CBFA2T3: variants seen among roughly 807,000 people sequenced by gnomAD.
The protein encoded by CBFA2T3 is transcriptional corepressor CBFA2T3.
A neutral mutation model predicts 58.6 loss-of-function variants in CBFA2T3; 31 were observed. The ratio of observed to expected loss-of-function variants is 0.53; its 90% CI spans 0.40 to 0.71. The LOEUF is 0.71. Among genes scored for constraint, CBFA2T3 ranks in the 30% least tolerant of loss-of-function variants. The probability of loss-of-function intolerance (pLI) is 0.00; values close to 1 mark genes in which losing one functional copy is unlikely to be tolerated. For synonymous variants in CBFA2T3, 531 were observed against 421.9 expected (o/e 1.26, Z -3.17); for missense variants, 1,076 against 963.1 (o/e 1.12, Z -1.55).
In CBFA2T3 at chr16:88,929,088, T is replaced by TG. The variant is rs1036690329; in HGVS notation, c.152-27433dup. Among the ~76,000 whole-genome samples the TG allele has an allele frequency of 3.6e-5, 5 of 137,612 alleles. 1 individual carries two copies. Among genetic ancestry groups the TG allele is most frequent in the African/African-American group, 1.2e-4 (5 of 40,544 alleles). The allele number at this position is 137,612 out of a possible 152,430, so 90.3% of individuals were successfully genotyped here. ...CTGGCTGCCGAGTGCAAAATAGACC[T>TG]GGGATGGGGGTCAGGGGTAGAAGCA... is the stretch of plus-strand genomic sequence containing the variant. On this transcript the variant is annotated intron_variant, in intron 1 of 11. Coordinates refer to ENST00000268679, the MANE Select transcript of CBFA2T3 (RefSeq NM_005187.6).
chr16:88,898,039 A>G, intron 3 of CBFA2T3, 39 bp downstream of exon 3: 2 of 1,452,340 alleles, frequency 1.4e-6, no homozygotes, highest in South Asian at 2.3e-5. Flanking sequence ...TGCGGTGAAG[A>G]CCTCTGGGGA....
chr16:88,912,425 C>G (rs1476890607), intron 1 of CBFA2T3, among the ~76,000 whole-genome samples: 3 of 152,196 alleles, frequency 2.0e-5, no homozygotes, highest in African/African-American at 7.2e-5. Flanking sequence ...CCGTTGGCCT[C>G]AGGGCCTTGG....
intron 5 of CBFA2T3, among the ~76,000 whole-genome samples, chr16:88,888,711 C>G (rs1431187452): frequency 6.6e-6 from 1 of 150,396 alleles, no homozygotes; most frequent in Non-Finnish European, 1.5e-5. Flanking sequence ...GCCGCAAGAT[C>G]TTTATTTTTT....
chr16:88,912,723 AG>A (rs1381973951), intron 1 of CBFA2T3, among the ~76,000 whole-genome samples: 1 of 152,206 alleles, frequency 6.6e-6, no homozygotes, highest in Non-Finnish European at 1.5e-5. Flanking sequence ...ATAAGGACAA[AG>A]CCCCCTATCT....
rs547515090 is a variant in CBFA2T3, at chr16:88,967,012, T to A, written c.151+9645A>T. On this transcript the variant is annotated intron_variant, in intron 1 of 11. Transcript: ENST00000268679. ...GGGCCCCAGGGGACGAGGGAAAGCATCCTTGATTGAAGCATTGTTTGTAGC... is the reference window on the plus strand; with the variant it reads ...GGGCCCCAGGGGACGAGGGAAAGCAACCTTGATTGAAGCATTGTTTGTAGC... Among the ~76,000 whole-genome samples, 5 of 152,282 alleles carry A rather than the reference T, an allele frequency of 3.3e-5. No individual in the cohort carries two copies. In the South Asian group the frequency reaches 1.0e-3, roughly 32 times the overall value.
At position 88,976,162 on chromosome 16, in the gene CBFA2T3, C is replaced by T. The variant is rs572796704; in HGVS notation, c.151+495G>A. ...AAACCCCCACTGCCCTGGCTGGAAT[C>T]GTTCCTCGGACAGGGGCCCAGGGTT... On this transcript the variant is annotated intron_variant, in intron 1 of 11. Transcript: ENST00000268679. Among the ~76,000 whole-genome samples, 6 of 152,324 alleles carry T rather than the reference C, an allele frequency of 3.9e-5. No individual in the cohort carries two copies. The South Asian group carries it at 1.0e-3, about 26-fold the overall frequency.
chr16:88,962,015 G>C (rs559970735), intron 1 of CBFA2T3, among the ~76,000 whole-genome samples: 1 of 149,740 alleles, frequency 6.7e-6, no homozygotes, highest in African/African-American at 2.5e-5. Context: ...CATAGTAACC[G>C]ACACTCAGCA....
chr16:88,965,632 T>C (rs1195703739), intron 1 of CBFA2T3, among the ~76,000 whole-genome samples: 1 of 152,140 alleles, frequency 6.6e-6, no homozygotes, highest in African/African-American at 2.4e-5. Flanking sequence ...GACCCAGTGG[T>C]GAGGTTGCGG....
intron 1 of CBFA2T3, among the ~76,000 whole-genome samples, chr16:88,906,849 G>A (rs1411446907): frequency 1.3e-5 from 2 of 152,234 alleles, no homozygotes; most frequent in Non-Finnish European, 2.9e-5. Context: ...ATGCCAGCCA[G>A]CCTGGACCCT....
chr16:88,918,524 C>T (rs555619493), intron 1 of CBFA2T3, among the ~76,000 whole-genome samples: 2 of 152,376 alleles, frequency 1.3e-5, no homozygotes, highest in Non-Finnish European at 2.9e-5. Flanking sequence ...CACACGGTTA[C>T]TGGCACAGGC....
intron 1 of CBFA2T3, among the ~76,000 whole-genome samples, chr16:88,944,055 C>A (rs930010578): frequency 6.6e-6 from 1 of 152,054 alleles, no homozygotes. Context: ...GAAACCACCA[C>A]GGCCGGGTGC....
At chr16:88,968,913 C>A (rs544816854) in intron 1 of CBFA2T3, among the ~76,000 whole-genome samples, 1 of 149,170 alleles carries the variant, frequency 6.7e-6, no homozygotes, top group Non-Finnish European at 1.5e-5. Flanking sequence ...GACCATAACC[C>A]CTCTGAGCTC....
intron 1 of CBFA2T3, among the ~76,000 whole-genome samples, chr16:88,917,690 T>C (rs973683605): frequency 1.3e-5 from 2 of 152,208 alleles, no homozygotes; most frequent in African/African-American, 2.4e-5. Context: ...TGGCGGCTCA[T>C]GGTGCCCCTG....
intron 1 of CBFA2T3, chr16:88,941,149 C>T: frequency 1.0e-6 from 1 of 983,226 alleles, no homozygotes; most frequent in Non-Finnish European, 1.2e-6. Flanking sequence ...TGTCTTCTGG[C>T]GCCGCACCGG....
At chr16:88,942,101 T>A (rs562120780) in intron 1 of CBFA2T3, among the ~76,000 whole-genome samples, 1 of 152,172 alleles carries the variant, frequency 6.6e-6, no homozygotes, top group Non-Finnish European at 1.5e-5. Flanking sequence ...CATTTGCATA[T>A]CGTGCGTTTC....
Position 88,958,903 on chromosome 16 carries a change from C to T in CBFA2T3, c.151+17754G>A, listed in dbSNP as rs1397269786. On this transcript the variant is annotated intron_variant, in intron 1 of 11. Coordinates refer to ENST00000268679, the MANE Select transcript of CBFA2T3 (RefSeq NM_005187.6). The surrounding 1 kb of genome is among the most constrained non-coding windows in gnomAD (Gnocchi z 4.0). Reference sequence around the variant, plus strand: ...CTGTACCGCCTCTGCCGCCCTTTTCCCTTTGCCTCCATGGAGCGGGCCTGA... The same window carrying T: ...CTGTACCGCCTCTGCCGCCCTTTTCTCTTTGCCTCCATGGAGCGGGCCTGA... Among the ~76,000 whole-genome samples the T allele has an allele frequency of 1.3e-5, 2 of 152,172 alleles. No individual in the cohort carries two copies. Among genetic ancestry groups the T allele is most frequent in the African/African-American group, 4.8e-5 (2 of 41,432 alleles).
chr16:88,975,444 G>A (rs1023423019), intron 1 of CBFA2T3, among the ~76,000 whole-genome samples: 4 of 152,238 alleles, frequency 2.6e-5, no homozygotes, highest in Non-Finnish European at 5.9e-5. Context: ...CTGCTCTCAC[G>A]CGGGGAGCAG....
At chr16:88,909,998 C>A (rs1013051119) in intron 1 of CBFA2T3, among the ~76,000 whole-genome samples, 2 of 152,228 alleles carry the variant, frequency 1.3e-5, no homozygotes, top group African/African-American at 4.8e-5. Flanking sequence ...GCTCCCACGG[C>A]GGCTCCCCAG....
At chr16:88,973,239 G>T (rs568811120) in intron 1 of CBFA2T3, among the ~76,000 whole-genome samples, 10 of 152,366 alleles carry the variant, frequency 6.6e-5, no homozygotes, top group African/African-American at 2.4e-4. Context: ...TGGAGCTCTG[G>T]CCTAGGGTGG....
Sources: allele counts gnomAD v4.1 joint callset (sites outside exome capture counted in the v4.1 genomes callset), GRCh38; gene constraint gnomAD v4.1.1; non-coding constraint Gnocchi (gnomAD v3.1); transcripts MANE v1.5; gene names NCBI Gene and HGNC (gene_info 2026-07-23, HGNC 2026-07-21).